The following LOXHD1 variants were observed in gnomAD, a reference collection of about 807,000 sequenced individuals.
The protein encoded by LOXHD1 is lipoxygenase homology domain-containing protein 1.
Under a neutral mutation model 248.2 loss-of-function variants are expected in LOXHD1, and 205 were observed. The observed-to-expected ratio is 0.83, with a 90% CI of 0.74 to 0.93. LOXHD1 has a LOEUF of 0.93. Among genes scored for constraint, LOXHD1 ranks in the 40% least tolerant of loss-of-function variants. The pLI is 0.00. For synonymous variants in LOXHD1, 1,113 were observed against 1,162.8 expected (o/e 0.96, Z 0.87); for missense variants, 2,930 against 2,971.6 (o/e 0.99, Z 0.33).
At chr18:46,654,083 G>T (rs777861997) in intron 1 of LOXHD1, among the ~76,000 whole-genome samples, 1 of 152,146 alleles carries the variant, frequency 6.6e-6, no homozygotes, top group Non-Finnish European at 1.5e-5. Context: ...CTTCCCCCTC[G>T]TGAAAGGGAT....
At position 46,559,471 on chromosome 18, in the gene LOXHD1, A is replaced by C. The variant is rs1357742383; in HGVS notation, c.3193T>G (p.Ser1065Ala). ...GERPLKKSDK[S>A]NKFEQGQTDT... Reference sequence around the variant, plus strand: ...ACCTGCCCCTGCTCAAATTTGTTGGACTTGTCTGACTTCTTCAGGGGTCGT... The same window carrying C: ...ACCTGCCCCTGCTCAAATTTGTTGGCCTTGTCTGACTTCTTCAGGGGTCGT... Residue 1065 changes from serine (S) to alanine (A), a missense_variant, in exon 20 of 41, where the codon TCC becomes GCC. Physicochemically the swap from Ser to Ala is moderately conservative, Grantham distance 99. Coordinates refer to ENST00000642948, the MANE Select transcript of LOXHD1 (RefSeq NM_001384474.1). 4 of 1,552,004 alleles carry C rather than the reference A, an allele frequency of 2.6e-6. No homozygotes were observed. In the Admixed American group the frequency reaches 5.9e-5, roughly 23 times the overall value.
chr18:46,504,630 T>C (rs936703519), intron 37 of LOXHD1, among the ~76,000 whole-genome samples: 3 of 152,240 alleles, frequency 2.0e-5, no homozygotes, highest in African/African-American at 7.2e-5. Flanking sequence ...AAATTTTAAC[T>C]GTTTAATCCA....
intron 29 of LOXHD1, among the ~76,000 whole-genome samples, chr18:46,525,386 C>T (rs1325889654): frequency 1.3e-5 from 2 of 152,034 alleles, no homozygotes; most frequent in Non-Finnish European, 2.9e-5. Flanking sequence ...TTTGAAATTC[C>T]CTGAGAGATG....
At chr18:46,561,753 C>T (rs2037534337) in intron 18 of LOXHD1, among the ~76,000 whole-genome samples, 1 of 152,194 alleles carries the variant, frequency 6.6e-6, no homozygotes, top group Non-Finnish European at 1.5e-5. Context: ...GAGCCCAGGG[C>T]CCCTGGGAGA....
chr18:46,509,520 A>C (rs2034813224), intron 35 of LOXHD1, 178 bp downstream of exon 35: 1 of 665,230 alleles, frequency 1.5e-6, no homozygotes, highest in African/African-American at 1.8e-5. Context: ...CAAATAAATA[A>C]AACGACATTC....
At chr18:46,634,239 C>A (rs934689839) in intron 4 of LOXHD1, among the ~76,000 whole-genome samples, 1 of 152,136 alleles carries the variant, frequency 6.6e-6, no homozygotes, top group Non-Finnish European at 1.5e-5. Flanking sequence ...GGATGCTATT[C>A]AGCCTTAAAA....
At chr18:46,542,270 AC>A (rs2036594183) in intron 24 of LOXHD1, among the ~76,000 whole-genome samples, 1 of 152,178 alleles carries the variant, frequency 6.6e-6, no homozygotes, top group Admixed American at 6.5e-5. Flanking sequence ...GGGGCTTCAA[AC>A]AGAACTCAGG....
At chr18:46,482,737 G>A (rs1207670836) in intron 40 of LOXHD1, among the ~76,000 whole-genome samples, 1 of 152,218 alleles carries the variant, frequency 6.6e-6, no homozygotes, top group East Asian at 1.9e-4. Flanking sequence ...CCGCTTCTGT[G>A]CAGACAAGGG....
intron 34 of LOXHD1, among the ~76,000 whole-genome samples, chr18:46,511,685 G>A (rs1286817739): frequency 1.3e-5 from 2 of 152,192 alleles, no homozygotes; most frequent in African/African-American, 2.4e-5. Flanking sequence ...TTATGGTTAG[G>A]GACCCTGGGA....
intron 6 of LOXHD1, among the ~76,000 whole-genome samples, chr18:46,609,125 C>G (rs896446596): frequency 6.6e-6 from 1 of 152,208 alleles, no homozygotes; most frequent in Admixed American, 6.5e-5. Context: ...CCCATTTTCT[C>G]TCCCCCTCTT....
chr18:46,544,655 G>C (rs537810102), intron 23 of LOXHD1, among the ~76,000 whole-genome samples: 1 of 152,340 alleles, frequency 6.6e-6, no homozygotes, highest in South Asian at 2.1e-4. Flanking sequence ...CTAAGGCACA[G>C]AGGGGTTAAG....
rs1248889536 is a variant in LOXHD1 at position 46,610,789 on chromosome 18, C to A, written c.746G>T (p.Trp249Leu). 6 of 1,551,080 alleles carry A rather than the reference C, an allele frequency of 3.9e-6. No homozygotes were observed. Among genetic ancestry groups the A allele is most frequent in the East Asian group, 2.4e-5 (1 of 40,934 alleles). ...GHNNKGGSAG[W>L]FLSQIVIEDI... is the part of the protein sequence containing the mutation. ...AGCTGAACTCACCTGGGACAGGAAC[C>A]AACCTGCAGAGCCCCCCTTATTGTT... is the stretch of plus-strand genomic sequence containing the variant. The change falls in exon 6 of 41, where the codon TGG (tryptophan) becomes TTG (leucine). Residue 249 changes from tryptophan (W) to leucine (L), a missense_variant. Trp to Leu is a moderately conservative substitution (Grantham distance 61). Transcript: ENST00000642948.
intron 37 of LOXHD1, among the ~76,000 whole-genome samples, chr18:46,490,767 G>A (rs756768555): frequency 3.3e-5 from 5 of 152,310 alleles, no homozygotes; most frequent in Admixed American, 6.5e-5. Context: ...GAGCCACCTC[G>A]CCCGGCGGTA....
At chr18:46,545,828 A>G (rs953162093) in intron 22 of LOXHD1, among the ~76,000 whole-genome samples, 1 of 149,578 alleles carries the variant, frequency 6.7e-6, no homozygotes, top group Non-Finnish European at 1.5e-5. Context: ...ACGGGGTTTC[A>G]CCGTTTTAGC....
intron 6 of LOXHD1, among the ~76,000 whole-genome samples, chr18:46,608,661 T>C (rs2038459068): frequency 1.3e-5 from 2 of 152,198 alleles, no homozygotes; most frequent in South Asian, 2.1e-4. Flanking sequence ...ATTTGGATTC[T>C]GGACTCACAC....
At chr18:46,587,533 A>T (rs1205034480) in intron 12 of LOXHD1, among the ~76,000 whole-genome samples, 1 of 152,220 alleles carries the variant, frequency 6.6e-6, no homozygotes, top group African/African-American at 2.4e-5. Flanking sequence ...GAAACACCCC[A>T]GCCATGGATG....
chr18:46,644,811 A>G (rs1225869118), intron 2 of LOXHD1, among the ~76,000 whole-genome samples: 1 of 152,204 alleles, frequency 6.6e-6, no homozygotes, highest in African/African-American at 2.4e-5. Flanking sequence ...GCATTTGTGA[A>G]ACAATCCACC....
chr18:46,592,049 A>C lies in LOXHD1; in HGVS notation c.1538T>G (p.Leu513Arg). 3.2e-6 allele frequency: 5 copies of C among 1,552,302 alleles called. No individual in the cohort carries two copies. Among genetic ancestry groups the C allele is most frequent in the Non-Finnish European group, 4.4e-6 (5 of 1,147,100 alleles). Reference sequence around the variant, plus strand: ...ATTGAAGTTGTACTTGTCTTTGTTCAGAGTGTTCATCAGGGTCATCTGGAA... The same window carrying C: ...ATTGAAGTTGTACTTGTCTTTGTTCCGAGTGTTCATCAGGGTCATCTGGAA... The part of the protein sequence containing the change: ...HLERMTLMNT[L>R]NKDKYNFNCN... Residue 513 changes from leucine (L) to arginine (R), a missense_variant, in exon 12 of 41, where the codon CTG becomes CGG. Transcript: ENST00000642948.
chr18:46,517,136 T>C (rs2035296096), intron 34 of LOXHD1, among the ~76,000 whole-genome samples: 1 of 152,082 alleles, frequency 6.6e-6, no homozygotes, highest in Non-Finnish European at 1.5e-5. Context: ...ATGTTAAGCT[T>C]AGGATCCGAG....
Sources: allele counts gnomAD v4.1 joint callset (sites outside exome capture counted in the v4.1 genomes callset), GRCh38; gene constraint gnomAD v4.1.1; transcripts MANE v1.5; gene names NCBI Gene and HGNC (gene_info 2026-07-23, HGNC 2026-07-21).